Variants in LTBP1 observed in about 807,000 individuals in gnomAD.
LTBP1 encodes the protein latent-transforming growth factor beta-binding protein 1.
A neutral mutation model predicts 207.6 loss-of-function variants in LTBP1; 129 were observed. That is an observed-to-expected ratio of 0.62 (90% CI 0.54 to 0.72). LTBP1 has a LOEUF of 0.72. Among genes scored for constraint, LTBP1 ranks in the 30% least tolerant of loss-of-function variants. The pLI is 0.00. For synonymous variants in LTBP1, 963 were observed against 833.7 expected (o/e 1.16, Z -2.67); for missense variants, 2,281 against 2,217.2 (o/e 1.03, Z -0.58).
At chr2:33,338,817 C>T (rs997895354) in intron 24 of LTBP1, among the ~76,000 whole-genome samples, 4 of 152,116 alleles carry the variant, frequency 2.6e-5, no homozygotes, top group Non-Finnish European at 5.9e-5. Context: ...TCAAAGACCT[C>T]TAGTATGCTA....
chr2:33,263,479 T>A (rs2093079675), intron 15 of LTBP1, 87 bp downstream of exon 15: 3 of 940,068 alleles, frequency 3.2e-6, no homozygotes, highest in Non-Finnish European at 5.0e-6. Flanking sequence ...TTATATAAGC[T>A]TGCTCATGGC....
chr2:33,395,650 T>C lies in LTBP1; in HGVS notation c.4835-1483T>C, dbSNP rs551733778. ...ATGTTGACCTCAGGCACTTTAGTCA[T>C]TGTTGAAACTTCTTTTTTGTTGTAG... On this transcript the variant is annotated intron_variant, in intron 32 of 33. Coordinates refer to ENST00000404816, the MANE Select transcript of LTBP1 (RefSeq NM_206943.4). 4.6e-5 allele frequency among the ~76,000 whole-genome samples: 7 copies of C among 152,218 alleles called. No individual in the cohort carries two copies. The East Asian group carries it at 1.2e-3, about 25-fold the overall frequency.
chr2:33,175,809 G>T lies in LTBP1; in HGVS notation c.1202-11047G>T, dbSNP rs551306917. ...GAAAATGTGGCACATGTACACCGTG[G>T]AATACTATGCAGCCATAAAAAAATG... On this transcript the variant is annotated intron_variant, in intron 5 of 33. Transcript: ENST00000404816. Among the ~76,000 whole-genome samples, 53 of 128,018 alleles carry T rather than the reference G, an allele frequency of 4.1e-4. 1 individual carries two copies. In the East Asian group the frequency reaches 0.011, roughly 27 times the overall value. The allele number at this position is 128,018 out of a possible 152,430, so 84.0% of individuals were successfully genotyped here. A position where few individuals can be genotyped will look rare whatever the true frequency, so the allele number is the denominator to read the frequency against.
chr2:33,131,688 C>T (rs1301628073), intron 4 of LTBP1, among the ~76,000 whole-genome samples: 4 of 152,204 alleles, frequency 2.6e-5, no homozygotes, highest in Non-Finnish European at 5.9e-5. Flanking sequence ...TACTTTATAG[C>T]AGAATGCTTG....
chr2:32,992,722 C>T (rs1275612708), intron 2 of LTBP1, among the ~76,000 whole-genome samples: 1 of 152,186 alleles, frequency 6.6e-6, no homozygotes, highest in Non-Finnish European at 1.5e-5. Flanking sequence ...GCCTGGTACA[C>T]AGCAGAGGAG....
intron 5 of LTBP1, among the ~76,000 whole-genome samples, chr2:33,172,273 G>C (rs1429172389): frequency 5.9e-5 from 9 of 152,068 alleles, no homozygotes; most frequent in Non-Finnish European, 1.2e-4. Context: ...CACGTGCAGA[G>C]ACACACATAG....
chr2:33,222,856 T>C (rs960139854), intron 9 of LTBP1, among the ~76,000 whole-genome samples: 6 of 152,224 alleles, frequency 3.9e-5, no homozygotes, highest in Non-Finnish European at 7.3e-5. Context: ...ATATATGATA[T>C]CATATTTTGT....
intron 5 of LTBP1, among the ~76,000 whole-genome samples, chr2:33,167,534 C>T (rs1323991840): frequency 1.3e-5 from 2 of 152,224 alleles, no homozygotes; most frequent in Non-Finnish European, 1.5e-5. Flanking sequence ...AGAATTCTGT[C>T]TGTCCTGCAC....
chr2:33,015,736 G>A (rs1688283475), intron 2 of LTBP1, among the ~76,000 whole-genome samples: 2 of 152,314 alleles, frequency 1.3e-5, no homozygotes, highest in South Asian at 2.1e-4. Context: ...GGTTCTGCAG[G>A]CTGTACAGGA....
At chr2:33,188,426 T>TTAAAAAA (rs2087447582) in intron 6 of LTBP1, 151 bp from the exon 7 acceptor site, 1 of 287,950 alleles carries the variant, frequency 3.5e-6, no homozygotes, top group Non-Finnish European at 5.9e-6. Flanking sequence ...AAACTCCATC[T>TTAAAAAA]CAAAAAAAAA....
chr2:33,123,603 T>C (rs2150421026), intron 4 of LTBP1, among the ~76,000 whole-genome samples: 1 of 152,304 alleles, frequency 6.6e-6, no homozygotes, highest in South Asian at 2.1e-4. Context: ...TAATATACCT[T>C]AAGAACATAT....
intron 5 of LTBP1, among the ~76,000 whole-genome samples, chr2:33,141,015 T>C (rs1369015681): frequency 6.6e-6 from 1 of 152,198 alleles, no homozygotes; most frequent in Non-Finnish European, 1.5e-5. Context: ...AGGCTAGTAT[T>C]AGGAACAGTT....
At chr2:33,297,885 T>G (rs2093911649) in intron 20 of LTBP1, among the ~76,000 whole-genome samples, 1 of 152,202 alleles carries the variant, frequency 6.6e-6, no homozygotes, top group African/African-American at 2.4e-5. Context: ...AATGAATCTT[T>G]CCCTAGTTTT....
At chr2:33,386,485 C>G (rs2095266390) in intron 31 of LTBP1, among the ~76,000 whole-genome samples, 1 of 152,202 alleles carries the variant, frequency 6.6e-6, no homozygotes, top group Non-Finnish European at 1.5e-5. Flanking sequence ...TGACAGCCAA[C>G]AGGCATCAGC....
chr2:33,327,496 C>A (rs996244427), intron 24 of LTBP1, among the ~76,000 whole-genome samples: 6 of 151,994 alleles, frequency 3.9e-5, no homozygotes, highest in Non-Finnish European at 8.8e-5. Context: ...GGGTCATGTA[C>A]AAATGGAGTT....
intron 3 of LTBP1, among the ~76,000 whole-genome samples, chr2:33,051,456 G>C (rs1159934159): frequency 2.0e-5 from 3 of 152,092 alleles, no homozygotes; most frequent in Non-Finnish European, 4.4e-5. Context: ...CAAAACTGTA[G>C]TCCTCTGCAA....
At chr2:33,315,485 C>G (rs1377803561) in intron 24 of LTBP1, among the ~76,000 whole-genome samples, 2 of 152,204 alleles carry the variant, frequency 1.3e-5, no homozygotes, top group East Asian at 3.8e-4. Flanking sequence ...AAAACACTCA[C>G]AGATGGCTCC....
At position 33,281,791 on chromosome 2, in the gene LTBP1, C is replaced by A. The variant is rs78828800; in HGVS notation, c.3112+1633C>A. Among the ~76,000 whole-genome samples, 903 of 151,942 alleles carry A rather than the reference C, an allele frequency of 5.9e-3. 7 individuals are homozygous for A. Among genetic ancestry groups the A allele is most frequent in the African/African-American group, 0.021 (871 of 41,462 alleles). On this transcript the variant is annotated intron_variant, in intron 19 of 33. Transcript: ENST00000404816. Reference sequence around the variant, plus strand: ...AATTGTTTTTGTAACTGGTGCTGACCAAAAAGTATTAATATATATGGTTTC... The same window carrying A: ...AATTGTTTTTGTAACTGGTGCTGACAAAAAAGTATTAATATATATGGTTTC...
chr2:33,397,705 G>C (rs1433895986), intron 33 of LTBP1, among the ~76,000 whole-genome samples: 1 of 131,326 alleles, frequency 7.6e-6, no homozygotes, highest in Non-Finnish European at 1.6e-5. Context: ...TGTATTTTTA[G>C]TAGAGACGGG....
Sources: allele counts gnomAD v4.1 joint callset (sites outside exome capture counted in the v4.1 genomes callset), GRCh38; gene constraint gnomAD v4.1.1; transcripts MANE v1.5; gene names NCBI Gene and HGNC (gene_info 2026-07-23, HGNC 2026-07-21).